Variants in HTR1F observed in about 807,000 individuals in gnomAD.
HTR1F encodes the protein 5-hydroxytryptamine receptor 1F.
A neutral mutation model predicts 24.0 loss-of-function variants in HTR1F; 17 were observed. That is an observed-to-expected ratio of 0.71 (90% CI 0.48 to 1.06). HTR1F has a LOEUF of 1.06. Among genes scored for constraint, HTR1F ranks in the 50% least tolerant of loss-of-function variants. The pLI is 0.00. For missense variants in HTR1F, 391 were observed against 427.8 expected, an observed-to-expected ratio of 0.91 and a Z score of 0.76; for synonymous variants, 186 against 156.8, an observed-to-expected ratio of 1.19 and a Z score of -1.39.
At chr3:87,814,575 T>C (rs984984714) in intron 1 of HTR1F, among the ~76,000 whole-genome samples, 1 of 152,158 alleles carries the variant, frequency 6.6e-6, no homozygotes. Flanking sequence ...CTCCTTTGAG[T>C]TCAATCTTTT....
At chr3:87,942,752 A>G (rs1396819499) in intron 2 of HTR1F, among the ~76,000 whole-genome samples, 1 of 123,498 alleles carries the variant, frequency 8.1e-6, no homozygotes, top group African/African-American at 3.8e-5. Context: ...TTTTTTTTTT[A>G]TCCTGTTTGT....
At chr3:87,926,172 G>A (rs17025160) in intron 2 of HTR1F, among the ~76,000 whole-genome samples, 29,698 of 152,020 alleles carry the variant, frequency 0.2, 3,377 homozygotes, top group African/African-American at 0.32. Context: ...TATGTCAGTG[G>A]ATAAAGCTTG....
chr3:87,856,643 A>C (rs1705205098), intron 2 of HTR1F, among the ~76,000 whole-genome samples: 1 of 152,172 alleles, frequency 6.6e-6, no homozygotes, highest in Non-Finnish European at 1.5e-5. Flanking sequence ...GTACAGAGGA[A>C]GACAAACCTT....
chr3:87,812,551 A>G (rs1704178675), intron 1 of HTR1F, among the ~76,000 whole-genome samples: 1 of 152,222 alleles, frequency 6.6e-6, no homozygotes, highest in South Asian at 2.1e-4. Context: ...GATGCAATAG[A>G]AAAGAAAAAC....
intron 2 of HTR1F, among the ~76,000 whole-genome samples, chr3:87,863,230 G>T (rs375258644): frequency 6.6e-6 from 1 of 152,134 alleles, no homozygotes; most frequent in Non-Finnish European, 1.5e-5. Context: ...TTTGAGTTTG[G>T]GGGGGTTTTG....
At chr3:87,828,572 G>A (rs1169079114) in intron 2 of HTR1F, among the ~76,000 whole-genome samples, 1 of 152,148 alleles carries the variant, frequency 6.6e-6, no homozygotes, top group Non-Finnish European at 1.5e-5. Flanking sequence ...TCTCACCCAA[G>A]GAAGAATTGC....
chr3:87,794,697 T>G (rs1219809015), intron 1 of HTR1F, among the ~76,000 whole-genome samples: 1 of 152,198 alleles, frequency 6.6e-6, no homozygotes, highest in Non-Finnish European at 1.5e-5. Flanking sequence ...AACTTATTTG[T>G]TGGAATGAGG....
At chr3:87,967,458 AAT>A (rs1379236308) in intron 2 of HTR1F, among the ~76,000 whole-genome samples, 1 of 151,966 alleles carries the variant, frequency 6.6e-6, no homozygotes, top group East Asian at 1.9e-4. Flanking sequence ...AAAAAAAAAA[AAT>A]AGAATACAGG....
chr3:87,841,486 T>C (rs1014471612), intron 2 of HTR1F, among the ~76,000 whole-genome samples: 1 of 151,856 alleles, frequency 6.6e-6, no homozygotes, highest in Non-Finnish European at 1.5e-5. Context: ...TTAACAAATA[T>C]ATGAAAGTGC....
chr3:87,851,967 CAA>C (rs772352453), intron 2 of HTR1F, among the ~76,000 whole-genome samples: 37 of 99,390 alleles, frequency 3.7e-4, no homozygotes, highest in South Asian at 6.2e-4. Context: ...ACATCCAAGC[CAA>C]AAAAAAAAAA....
chr3:87,936,512 A>G (rs1365592353), intron 2 of HTR1F, among the ~76,000 whole-genome samples: 1 of 152,230 alleles, frequency 6.6e-6, no homozygotes, highest in Non-Finnish European at 1.5e-5. Flanking sequence ...TTAATAAATG[A>G]ATAAATAAAT....
intron 2 of HTR1F, among the ~76,000 whole-genome samples, chr3:87,852,440 A>T (rs1241697093): frequency 1.3e-5 from 2 of 151,814 alleles, no homozygotes; most frequent in Non-Finnish European, 2.9e-5. Flanking sequence ...TGCATATAAT[A>T]TGAAGTAGAG....
intron 2 of HTR1F, among the ~76,000 whole-genome samples, chr3:87,890,858 T>TC (rs1264929028): frequency 1.5e-4 from 23 of 151,708 alleles, no homozygotes; most frequent in African/African-American, 5.3e-4. Flanking sequence ...TTTTTTTTTT[T>TC]TGAGACAGAG....
intron 2 of HTR1F, among the ~76,000 whole-genome samples, chr3:87,890,839 A>C (rs1198415473): frequency 7.0e-6 from 1 of 141,958 alleles, no homozygotes; most frequent in Admixed American, 6.9e-5. Context: ...CAAGTCAATT[A>C]TTTCTTTTTT....
chr3:87,950,560 T>TAA (rs11463837), intron 2 of HTR1F, among the ~76,000 whole-genome samples: 54 of 145,232 alleles, frequency 3.7e-4, no homozygotes, highest in African/African-American at 9.0e-4. Context: ...AGTGTCAACT[T>TAA]AAAAAAAAAA....
intron 2 of HTR1F, among the ~76,000 whole-genome samples, chr3:87,969,946 T>C (rs1205726033): frequency 1.3e-5 from 2 of 151,888 alleles, no homozygotes; most frequent in Non-Finnish European, 2.9e-5. Flanking sequence ...TAAAGGGGAG[T>C]TCCCCTGCAC....
At chr3:87,924,054 T>C (rs1292027515) in intron 2 of HTR1F, among the ~76,000 whole-genome samples, 4 of 152,116 alleles carry the variant, frequency 2.6e-5, no homozygotes, top group Admixed American at 6.6e-5. Flanking sequence ...TTTGAAATAG[T>C]TTGAGAAATA....
At chr3:87,956,096 G>C (rs965058574) in intron 2 of HTR1F, among the ~76,000 whole-genome samples, 13 of 151,086 alleles carry the variant, frequency 8.6e-5, no homozygotes, top group African/African-American at 2.9e-4. Flanking sequence ...ACTATAATTT[G>C]TATTCCTTTA....
intron 2 of HTR1F, among the ~76,000 whole-genome samples, chr3:87,988,395 A>C (rs551229762): frequency 6.6e-6 from 1 of 152,268 alleles, no homozygotes; most frequent in Admixed American, 6.5e-5. Flanking sequence ...CCAGAAAGGT[A>C]TTCAAATTTC....
Sources: allele counts gnomAD v4.1 joint callset (sites outside exome capture counted in the v4.1 genomes callset), GRCh38; gene constraint gnomAD v4.1.1; transcripts MANE v1.5; gene names NCBI Gene and HGNC (gene_info 2026-07-23, HGNC 2026-07-21).